Variants in SCD5 observed in about 807,000 individuals in gnomAD.
The protein encoded by SCD5 is acyl-CoA-desaturase 4.
A neutral mutation model predicts 30.4 loss-of-function variants in SCD5; 20 were observed. The ratio of observed to expected loss-of-function variants is 0.66; its 90% confidence interval spans 0.46 to 0.96. SCD5 has a LOEUF of 0.96. Among genes scored for constraint, SCD5 ranks in the 40% least tolerant of loss-of-function variants. The pLI, the probability that SCD5 is intolerant of heterozygous loss-of-function variation, is 0.00. For missense variants in SCD5, 381 were observed against 443.3 expected (o/e 0.86, Z 1.26); for synonymous variants, 173 against 176.4 (o/e 0.98, Z 0.16).
At chr4:82,642,356 G>A (rs1256232907) in intron 3 of SCD5, among the ~76,000 whole-genome samples, 2 of 152,220 alleles carry the variant, frequency 1.3e-5, no homozygotes, top group South Asian at 4.1e-4. Context: ...AGAGATAAAC[G>A]CGGCTGGAGT....
chr4:82,697,937 T>C, intron 2 of SCD5: 1 of 451,224 alleles, frequency 2.2e-6, no homozygotes, highest in Non-Finnish European at 4.5e-6. Context: ...TCTTTTCTCA[T>C]GACTTCCAAA....
intron 3 of SCD5, among the ~76,000 whole-genome samples, chr4:82,671,168 G>C (rs1236662912): frequency 2.0e-5 from 3 of 152,144 alleles, no homozygotes; most frequent in Non-Finnish European, 2.9e-5. Flanking sequence ...AACGATATAG[G>C]GGTTAATTCT....
rs140635020 is a variant in SCD5 at position 82,730,344 on chromosome 4, T to G, written c.233-24931A>C. Among the ~76,000 whole-genome samples, 1,106 of 149,928 alleles carry G rather than the reference T, an allele frequency of 7.4e-3. 10 individuals are homozygous for G. The highest frequency in any genetic ancestry group is 0.025 in the African/African-American group (1,042 of 41,088). ...GCAGAGTCTCGCTCTGTCACCCAGC[T>G]GGAGTCCAGTGGCACGATCTTGGCT... On this transcript the variant is annotated intron_variant, in intron 1 of 4. Transcript: ENST00000319540.
chr4:82,647,804 T>C (rs1727662856), intron 3 of SCD5, among the ~76,000 whole-genome samples: 1 of 152,250 alleles, frequency 6.6e-6, no homozygotes, highest in Admixed American at 6.5e-5. Flanking sequence ...TAGTTGAAGA[T>C]ATACATGTTC....
intron 1 of SCD5, among the ~76,000 whole-genome samples, chr4:82,730,242 A>T (rs1220909727): frequency 7.5e-6 from 1 of 133,054 alleles, no homozygotes; most frequent in African/African-American, 2.7e-5. Flanking sequence ...AATATTTAAA[A>T]ACATATAATA....
At chr4:82,756,089 G>T (rs1264218877) in intron 1 of SCD5, among the ~76,000 whole-genome samples, 1 of 152,188 alleles carries the variant, frequency 6.6e-6, no homozygotes, top group Non-Finnish European at 1.5e-5. Flanking sequence ...AGCCTGAGAT[G>T]CCTTCCTCCT....
intron 3 of SCD5, chr4:82,659,786 A>C (rs1727944059): frequency 6.6e-6 from 1 of 152,176 alleles, no homozygotes; most frequent in South Asian, 2.1e-4. Flanking sequence ...TGTGGTGTTG[A>C]GAAGAATGTA....
At chr4:82,711,239 G>C (rs907217604) in intron 1 of SCD5, among the ~76,000 whole-genome samples, 3 of 151,770 alleles carry the variant, frequency 2.0e-5, no homozygotes, top group Non-Finnish European at 4.4e-5. Flanking sequence ...CTATAAACTT[G>C]TGGTTCTGAT....
chr4:82,727,579 T>A (rs1018362204), intron 1 of SCD5, among the ~76,000 whole-genome samples: 1 of 152,222 alleles, frequency 6.6e-6, no homozygotes, highest in Non-Finnish European at 1.5e-5. Flanking sequence ...TCTTTCTCCT[T>A]GGACACCCCC....
intron 3 of SCD5, among the ~76,000 whole-genome samples, chr4:82,678,829 ATC>A (rs1345049241): frequency 1.3e-5 from 2 of 152,218 alleles, no homozygotes; most frequent in African/African-American, 2.4e-5. Flanking sequence ...TGAATTTTTC[ATC>A]TTTTTCTCTA....
intron 1 of SCD5, among the ~76,000 whole-genome samples, chr4:82,768,167 C>T (rs1269199283): frequency 6.6e-6 from 1 of 152,128 alleles, no homozygotes. Context: ...GTAATCAAAG[C>T]AATCCCATAA....
intron 1 of SCD5, among the ~76,000 whole-genome samples, chr4:82,750,188 G>A (rs1422027482): frequency 6.6e-6 from 1 of 152,230 alleles, no homozygotes; most frequent in Non-Finnish European, 1.5e-5. Flanking sequence ...ATCAAGTAAG[G>A]TGGCTGAGAG....
In SCD5 at chr4:82,651,742, C is replaced by T. The variant is rs527764301; in HGVS notation, c.570-14919G>A. 1.2e-3 allele frequency among the ~76,000 whole-genome samples: 187 copies of T among 151,904 alleles called. 3 individuals carry two copies. The highest frequency in any genetic ancestry group is 1.4e-3 in the Non-Finnish European group (93 of 67,952). ...CAGCCTGGCCAACATGGTGAAACCC[C>T]GTCTCTACAAAAAATACAAAATCAG... is the stretch of plus-strand genomic sequence containing the variant. On this transcript the variant is annotated intron_variant, in intron 3 of 4. Coordinates refer to ENST00000319540, the MANE Select transcript of SCD5 (RefSeq NM_001037582.3).
chr4:82,729,861 A>T (rs373438696), intron 1 of SCD5, among the ~76,000 whole-genome samples: 19 of 152,300 alleles, frequency 1.2e-4, no homozygotes, highest in Admixed American at 3.3e-4. Flanking sequence ...AGGGCACCAG[A>T]GGAGTCTATA....
chr4:82,635,135 A>G (rs572513155), intron 4 of SCD5, among the ~76,000 whole-genome samples: 1 of 152,308 alleles, frequency 6.6e-6, no homozygotes, highest in East Asian at 1.9e-4. Flanking sequence ...TCAGCTTACC[A>G]AGAAGTCTGA....
At chr4:82,642,452 C>T (rs964081611) in intron 3 of SCD5, among the ~76,000 whole-genome samples, 1 of 152,222 alleles carries the variant, frequency 6.6e-6, no homozygotes, top group Admixed American at 6.5e-5. Flanking sequence ...ACTGTGTACA[C>T]TCTAGACAGA....
At chr4:82,667,299 C>A (rs528583177) in intron 3 of SCD5, among the ~76,000 whole-genome samples, 1 of 152,118 alleles carries the variant, frequency 6.6e-6, no homozygotes, top group African/African-American at 2.4e-5. Context: ...CACGCACGCA[C>A]GCATGCAAAT....
At chr4:82,669,724 A>T (rs1366814516) in intron 3 of SCD5, among the ~76,000 whole-genome samples, 3 of 152,128 alleles carry the variant, frequency 2.0e-5, no homozygotes, top group Non-Finnish European at 2.9e-5. Context: ...ATTCCCTTGT[A>T]TTTCCACCAG....
rs1180569316 is a variant in SCD5, at chr4:82,687,163, C to A, written c.364-6251G>T. Among the ~76,000 whole-genome samples, 7 of 110,404 alleles carry A rather than the reference C, an allele frequency of 6.3e-5. 1 individual carries two copies. The highest frequency in any genetic ancestry group is 6.0e-4 in the Admixed American group (5 of 8,370). The allele number at this position is 110,404 out of a possible 152,430, so 72.4% of individuals were successfully genotyped here. A position where few individuals can be genotyped will look rare whatever the true frequency, so the allele number is the denominator to read the frequency against. On this transcript the variant is annotated intron_variant, in intron 2 of 4. Coordinates refer to ENST00000319540, the MANE Select transcript of SCD5 (RefSeq NM_001037582.3). ...TCCAGCCTGGGCAACAGAGTAAGAC[C>A]TTGTTACAAGAAAAAAAAAAAAAAA...
Sources: allele counts gnomAD v4.1 joint callset (sites outside exome capture counted in the v4.1 genomes callset), GRCh38; gene constraint gnomAD v4.1.1; transcripts MANE v1.5; gene names NCBI Gene and HGNC (gene_info 2026-07-23, HGNC 2026-07-21).